The following ZNF704 variants were observed in gnomAD, a reference collection of about 807,000 sequenced individuals.
The protein encoded by ZNF704 is glucocorticoid induced gene 1.
ZNF704 carries 10 observed loss-of-function variants against 44.7 expected under a neutral mutation model. That is an observed-to-expected ratio of 0.22 (90% confidence interval 0.14 to 0.38). ZNF704 has a LOEUF of 0.38. Among genes scored for constraint, ZNF704 ranks in the 10% least tolerant of loss-of-function variants. ZNF704 has a pLI of 1.00. For synonymous variants in ZNF704, 211 were observed against 207.6 expected (o/e 1.02, Z -0.14); for missense variants, 390 against 545.5 (o/e 0.71, Z 2.84).
At chr8:80,831,702 C>CT (rs1808475313) in intron 1 of ZNF704, among the ~76,000 whole-genome samples, 4 of 152,148 alleles carry the variant, frequency 2.6e-5, no homozygotes, top group Admixed American at 2.0e-4. Context: ...AGATGCTCAC[C>CT]TTTTGGGGTA....
chr8:80,726,816 A>C (rs1806488712), intron 2 of ZNF704, among the ~76,000 whole-genome samples: 1 of 148,636 alleles, frequency 6.7e-6, no homozygotes, highest in Non-Finnish European at 1.5e-5. Context: ...ATTCATGTTA[A>C]AAATACACAC....
At chr8:80,656,879 C>T (rs1333017227) in intron 7 of ZNF704, among the ~76,000 whole-genome samples, 1 of 152,114 alleles carries the variant, frequency 6.6e-6, no homozygotes, top group Non-Finnish European at 1.5e-5. Flanking sequence ...CATTTTATCA[C>T]ATGAATATTT....
chr8:80,873,234 C>A (rs1809286620), intron 1 of ZNF704, among the ~76,000 whole-genome samples: 1 of 152,188 alleles, frequency 6.6e-6, no homozygotes. Flanking sequence ...GTCCCATCAC[C>A]CAAGTTCCCC....
chr8:80,745,861 C>CT (rs1806835379), intron 2 of ZNF704, among the ~76,000 whole-genome samples: 1 of 152,030 alleles, frequency 6.6e-6, no homozygotes, highest in African/African-American at 2.4e-5. Context: ...ACAGTGTGTA[C>CT]AAAACAGGAA....
rs750146527 is a variant in ZNF704, at chr8:80,630,713, GTTC to G, written c.*10650_*10652del. ...ACCTAGCGATTTTTTCTTATCCTGA[GTTC>G]TTCTTCTAAGTATATAGGATTTTGA... is the stretch of plus-strand genomic sequence containing the variant. On this transcript the variant is annotated 3_prime_UTR_variant, in exon 9 of 9. Coordinates refer to ENST00000327835, the MANE Select transcript of ZNF704 (RefSeq NM_001033723.3). 2 of 152,224 alleles carry G rather than the reference GTTC, an allele frequency of 1.3e-5. No homozygotes were observed. Among genetic ancestry groups the G allele is most frequent in the South Asian group, 4.1e-4 (2 of 4,826 alleles). 9.4% of individuals were successfully genotyped at this position (152,224 alleles called of 1,614,324 possible). A position where few individuals can be genotyped will look rare whatever the true frequency, so the allele number is the denominator to read the frequency against.
intron 2 of ZNF704, among the ~76,000 whole-genome samples, chr8:80,801,654 G>A (rs1022665054): frequency 8.2e-4 from 125 of 152,110 alleles, no homozygotes; most frequent in African/African-American, 2.9e-3. Context: ...TCTCTGGGAC[G>A]TAGCTAAAGC....
At chr8:80,732,513 A>G (rs1806598249) in intron 2 of ZNF704, among the ~76,000 whole-genome samples, 2 of 152,178 alleles carry the variant, frequency 1.3e-5, no homozygotes, top group African/African-American at 4.8e-5. Context: ...AAGGACACTC[A>G]AGCAGCCCTC....
chr8:80,691,519 C>T (rs574596294), intron 3 of ZNF704, among the ~76,000 whole-genome samples: 1 of 152,318 alleles, frequency 6.6e-6, no homozygotes, highest in Admixed American at 6.5e-5. Flanking sequence ...CTCTGGTCAC[C>T]TCAGGGTCTT....
chr8:80,806,373 C>T (rs940423403), intron 2 of ZNF704, among the ~76,000 whole-genome samples: 8 of 152,140 alleles, frequency 5.3e-5, no homozygotes, highest in Non-Finnish European at 1.0e-4. Context: ...GTCAACACTG[C>T]TCACAACATA....
chr8:80,733,823 T>A (rs997037227), intron 2 of ZNF704, among the ~76,000 whole-genome samples: 6 of 152,222 alleles, frequency 3.9e-5, no homozygotes, highest in African/African-American at 1.4e-4. Context: ...CTCTGAGCAA[T>A]TCCTTTTAGT....
At chr8:80,859,093 T>A (rs1809015147) in intron 1 of ZNF704, among the ~76,000 whole-genome samples, 1 of 152,246 alleles carries the variant, frequency 6.6e-6, no homozygotes, top group African/African-American at 2.4e-5. Context: ...TCTTCTTGAC[T>A]CTTTGGGCTT....
rs535755740 is a variant in ZNF704, at chr8:80,860,165, T to C, written c.-22+14406A>G. Among the ~76,000 whole-genome samples, 6 of 152,368 alleles carry C rather than the reference T, an allele frequency of 3.9e-5. No homozygotes were observed. The South Asian group carries it at 1.2e-3, about 32-fold the overall frequency. ...TCTGTGTGGCTTTCAGATAAAACTG[T>C]AAACAAGAGCTTCTTTGTGGTGCAG... On this transcript the variant is annotated intron_variant, in intron 1 of 8. Coordinates refer to ENST00000327835, the MANE Select transcript of ZNF704 (RefSeq NM_001033723.3).
chr8:80,797,342 A>C (rs1238296032), intron 2 of ZNF704, among the ~76,000 whole-genome samples: 1 of 152,072 alleles, frequency 6.6e-6, no homozygotes, highest in Non-Finnish European at 1.5e-5. Context: ...TCTGCTTGGC[A>C]TTGCCCTAGT....
chr8:80,679,408 C>T (rs751699240), intron 4 of ZNF704, among the ~76,000 whole-genome samples: 12 of 148,974 alleles, frequency 8.1e-5, no homozygotes, highest in African/African-American at 2.1e-4. Flanking sequence ...AAATAAACAA[C>T]GCCCAGATTG....
rs537853282 is a variant in ZNF704 at position 80,813,940 on chromosome 8, AAG to A, written c.221+7432_221+7433del. 2.1e-4 allele frequency among the ~76,000 whole-genome samples: 32 copies of A among 152,330 alleles called. No individual in the cohort carries two copies. In the Middle Eastern group the frequency reaches 0.01, roughly 49 times the overall value. ...CAATGTTACTAGGGTTAGTACAAGAAAGAGAACTGCTGGAAAAAGTTCTCATC... is the reference window on the plus strand; with the variant it reads ...CAATGTTACTAGGGTTAGTACAAGAAAGAACTGCTGGAAAAAGTTCTCATC... On this transcript the variant is annotated intron_variant, in intron 2 of 8. Coordinates refer to ENST00000327835, the MANE Select transcript of ZNF704 (RefSeq NM_001033723.3).
intron 3 of ZNF704, among the ~76,000 whole-genome samples, chr8:80,689,850 G>T (rs751815019): frequency 5.9e-5 from 9 of 152,124 alleles, no homozygotes; most frequent in Non-Finnish European, 1.0e-4. Context: ...CAGAAAAAAA[G>T]TCAGGTCTGA....
At chr8:80,713,229 G>A (rs1469626189) in intron 2 of ZNF704, among the ~76,000 whole-genome samples, 1 of 152,180 alleles carries the variant, frequency 6.6e-6, no homozygotes, top group African/African-American at 2.4e-5. Flanking sequence ...TCAGTTGACT[G>A]TAATGGGAAA....
chr8:80,644,132 T>C (rs890114577), intron 7 of ZNF704, among the ~76,000 whole-genome samples: 4 of 152,168 alleles, frequency 2.6e-5, no homozygotes, highest in Non-Finnish European at 5.9e-5. Flanking sequence ...CCCCACGCAG[T>C]ATTACTATTG....
intron 1 of ZNF704, among the ~76,000 whole-genome samples, chr8:80,825,217 G>A (rs372812620): frequency 1.3e-5 from 2 of 152,072 alleles, no homozygotes; most frequent in African/African-American, 4.8e-5. Flanking sequence ...TCAAAATAAA[G>A]GGATGGAGGA....
Sources: gnomAD v4.1 joint callset for allele counts (sites outside exome capture counted in the v4.1 genomes callset) on GRCh38, gnomAD v4.1.1 for gene constraint, MANE v1.5 for transcripts, NCBI Gene and HGNC (gene_info 2026-07-23, HGNC 2026-07-21) for gene names.